FRMPD4: variants seen among roughly 807,000 people sequenced by gnomAD.
The protein encoded by FRMPD4 is FERM and PDZ domain-containing protein 4.
FRMPD4 carries 22 observed loss-of-function variants against 94.1 expected under a neutral mutation model. The ratio of observed to expected loss-of-function variants is 0.23; its 90% CI spans 0.17 to 0.33. The LOEUF (loss-of-function observed/expected upper bound fraction) is 0.33. Ranked by LOEUF, FRMPD4 falls within the 10% of genes least tolerant of loss-of-function variation. FRMPD4 has a pLI of 1.00. For synonymous variants in FRMPD4, 631 were observed against 548.6 expected (o/e 1.15, Z -2.10); for missense variants, 1,111 against 1,339.9 (o/e 0.83, Z 2.67).
At chrX:11,842,283 C>A (rs1267007845) in intron 1 of FRMPD4, among the ~76,000 whole-genome samples, 1,740 of 90,543 alleles carry the variant, frequency 0.019, 42 homozygotes, top group African/African-American at 0.047. Context: ...AATTCTGTGA[C>A]GAAAGTCATT....
intron 3 of FRMPD4, among the ~76,000 whole-genome samples, chrX:11,985,114 A>G (rs953710178): frequency 1.8e-4 from 20 of 111,799 alleles, no homozygotes; most frequent in African/African-American, 6.2e-4. Context: ...TTAACAACTA[A>G]TTACACAGAA....
intron 1 of FRMPD4, among the ~76,000 whole-genome samples, chrX:11,855,942 C>A (rs1346522022): frequency 8.9e-6 from 1 of 111,776 alleles, no homozygotes; most frequent in Non-Finnish European, 1.9e-5. Context: ...CTGTATTAGT[C>A]TGTTCGTATG....
chrX:12,496,551 C>T (rs2057851531), intron 1 of FRMPD4, among the ~76,000 whole-genome samples: 1 of 112,430 alleles, frequency 8.9e-6, no homozygotes, highest in Non-Finnish European at 1.9e-5. Context: ...TTGTAGTCAT[C>T]ACACTGCATA....
intron 1 of FRMPD4, among the ~76,000 whole-genome samples, chrX:12,322,848 A>G (rs1005821588): frequency 6.3e-5 from 7 of 111,658 alleles, no homozygotes; most frequent in African/African-American, 2.3e-4. Flanking sequence ...ATTTATTATC[A>G]AATTTCAATA....
At chrX:11,859,727 T>TTTTG (rs745642900) in intron 1 of FRMPD4, among the ~76,000 whole-genome samples, 126 of 112,036 alleles carry the variant, frequency 1.1e-3, no homozygotes, top group African/African-American at 3.2e-3. Context: ...TGCTTCTGTT[T>TTTTG]TTTGTTTGTT....
At chrX:12,678,297 C>G (rs769045437) in intron 5 of FRMPD4, among the ~76,000 whole-genome samples, 1 of 112,361 alleles carries the variant, frequency 8.9e-6, no homozygotes, top group Non-Finnish European at 1.9e-5. Flanking sequence ...ATGTGTAAGT[C>G]TTAATCTGTA....
chrX:11,860,426 A>T (rs2147297009), intron 1 of FRMPD4, among the ~76,000 whole-genome samples: 1 of 111,962 alleles, frequency 8.9e-6, no homozygotes, highest in South Asian at 3.7e-4. Context: ...TGCAATCTTG[A>T]TTTATCCCTT....
intron 3 of FRMPD4, among the ~76,000 whole-genome samples, chrX:12,027,241 G>A (rs1459509075): frequency 2.7e-5 from 3 of 112,076 alleles, no homozygotes; most frequent in African/African-American, 9.7e-5. Context: ...TTATCAAAAG[G>A]CTTAAACTCC....
chrX:12,472,335 T>C (rs1266825520), intron 1 of FRMPD4, among the ~76,000 whole-genome samples: 1 of 112,034 alleles, frequency 8.9e-6, no homozygotes, highest in Non-Finnish European at 1.9e-5. Flanking sequence ...TATGTGCAAT[T>C]CAAAATTCTT....
At chrX:12,490,979 G>T (rs958656270) in intron 1 of FRMPD4, among the ~76,000 whole-genome samples, 8 of 110,597 alleles carry the variant, frequency 7.2e-5, no homozygotes, top group Non-Finnish European at 1.1e-4. Flanking sequence ...CAAAATGTAT[G>T]CTCCTTTCAG....
chrX:11,845,433 C>A (rs866287853), intron 1 of FRMPD4, among the ~76,000 whole-genome samples: 1 of 110,857 alleles, frequency 9.0e-6, no homozygotes, highest in Non-Finnish European at 1.9e-5. Flanking sequence ...GATTCACAGC[C>A]GAATTCTACC....
chrX:12,057,083 A>G (rs769109327), intron 3 of FRMPD4, among the ~76,000 whole-genome samples: 18 of 112,183 alleles, frequency 1.6e-4, no homozygotes, highest in African/African-American at 5.8e-4. Flanking sequence ...GATGAATTTA[A>G]TGTTTACATA....
chrX:12,185,376 C>T (rs2056411679), intron 1 of FRMPD4, among the ~76,000 whole-genome samples: 1 of 111,445 alleles, frequency 9.0e-6, no homozygotes, highest in Admixed American at 9.5e-5. Context: ...AGATGCCTCA[C>T]CCCGCACCCA....
At chrX:12,298,131 C>T (rs2054802252) in intron 1 of FRMPD4, among the ~76,000 whole-genome samples, 1 of 111,563 alleles carries the variant, frequency 9.0e-6, no homozygotes, top group Admixed American at 9.5e-5. Flanking sequence ...TAAAAGTAAC[C>T]AGGTTTTTTG....
At chrX:12,291,514 T>C (rs2054688909) in intron 1 of FRMPD4, among the ~76,000 whole-genome samples, 1 of 112,098 alleles carries the variant, frequency 8.9e-6, no homozygotes, top group Non-Finnish European at 1.9e-5. Context: ...CCCCATCTCC[T>C]TATCTATACT....
At chrX:12,104,657 T>A (rs2055281914) in intron 3 of FRMPD4, among the ~76,000 whole-genome samples, 1 of 112,661 alleles carries the variant, frequency 8.9e-6, no homozygotes, top group South Asian at 3.6e-4. Context: ...TTTGTTTTTG[T>A]CATATTTATC....
At chrX:12,663,033 A>AT (rs1204464883) in intron 4 of FRMPD4, among the ~76,000 whole-genome samples, 1 of 112,081 alleles carries the variant, frequency 8.9e-6, no homozygotes, top group Non-Finnish European at 1.9e-5. Context: ...TCCTTCGCCC[A>AT]TTTTTTGATA....
At chrX:12,240,944 A>G (rs1763697212) in intron 1 of FRMPD4, among the ~76,000 whole-genome samples, 1 of 112,124 alleles carries the variant, frequency 8.9e-6, no homozygotes, top group Admixed American at 9.5e-5. Context: ...AGTTGCTCCT[A>G]TAAATTCAAA....
intron 1 of FRMPD4, among the ~76,000 whole-genome samples, chrX:12,383,118 T>C: frequency 8.9e-6 from 1 of 111,766 alleles, no homozygotes; most frequent in Middle Eastern, 4.6e-3. Context: ...CTTACATCTG[T>C]GGAGGTACCT....
Sources: allele counts gnomAD v4.1 joint callset (sites outside exome capture counted in the v4.1 genomes callset), GRCh38; gene constraint gnomAD v4.1.1; transcripts MANE v1.5; gene names NCBI Gene and HGNC (gene_info 2026-07-23, HGNC 2026-07-21).